Variants in CSMD3 observed in about 807,000 individuals in gnomAD.
CSMD3 encodes CUB and Sushi multiple domains 3.
A neutral mutation model predicts 435.2 loss-of-function variants in CSMD3; 177 were observed. The ratio of observed to expected loss-of-function variants is 0.41; its 90% CI spans 0.36 to 0.46. The LOEUF is 0.46. Ranked by LOEUF, CSMD3 falls within the 20% of genes least tolerant of loss-of-function variation. The pLI is 0.34. For missense variants in CSMD3, 4,265 were observed against 4,504.6 expected, an observed-to-expected ratio of 0.95 and a Z score of 1.52; for synonymous variants, 1,656 against 1,520.5, an observed-to-expected ratio of 1.09 and a Z score of -2.07.
At position 112,823,111 on chromosome 8, in the gene CSMD3, T is replaced by C. The variant is rs569942949; in HGVS notation, c.1859+6575A>G. 1.2e-3 allele frequency among the ~76,000 whole-genome samples: 181 copies of C among 152,312 alleles called. 3 individuals are homozygous for C. Among genetic ancestry groups the C allele is most frequent in the South Asian group, 0.01 (49 of 4,826 alleles). On this transcript the variant is annotated intron_variant, in intron 12 of 70. Transcript: ENST00000297405. ...TGAAGTTTTCTTTTGTTGTTGTGTC[T>C]TTGCCAGGTTTTGGTATCAGGATGA... is the stretch of plus-strand genomic sequence containing the variant.
At chr8:112,454,424 AC>A (rs893779074) in intron 32 of CSMD3, among the ~76,000 whole-genome samples, 3 of 152,166 alleles carry the variant, frequency 2.0e-5, no homozygotes, top group Admixed American at 2.0e-4. Flanking sequence ...CAAATAAATA[AC>A]CAATAACTCC....
At chr8:112,646,869 CAT>C (rs1428431106) in intron 19 of CSMD3, among the ~76,000 whole-genome samples, 2 of 151,914 alleles carry the variant, frequency 1.3e-5, no homozygotes, top group East Asian at 3.9e-4. Flanking sequence ...AACATGAAGA[CAT>C]AAATTTTATT....
chr8:113,037,153 TTCC>T, intron 5 of CSMD3, among the ~76,000 whole-genome samples: 1 of 152,146 alleles, frequency 6.6e-6, no homozygotes, highest in African/African-American at 2.4e-5. Context: ...ATGATTTGTA[TTCC>T]AGTTATTCTA....
intron 5 of CSMD3, among the ~76,000 whole-genome samples, chr8:113,047,318 C>A (rs748745174): frequency 6.6e-6 from 1 of 152,150 alleles, no homozygotes; most frequent in Non-Finnish European, 1.5e-5. Flanking sequence ...ACTGATGCAA[C>A]CTCAAAATAT....
intron 13 of CSMD3, among the ~76,000 whole-genome samples, chr8:112,712,750 A>T (rs1359251941): frequency 1.3e-5 from 2 of 151,920 alleles, no homozygotes; most frequent in Non-Finnish European, 2.9e-5. Flanking sequence ...ACAGGTAAGA[A>T]TTACCACAAT....
At chr8:113,389,308 A>T (rs2094452021) in intron 1 of CSMD3, among the ~76,000 whole-genome samples, 1 of 151,642 alleles carries the variant, frequency 6.6e-6, no homozygotes, top group Non-Finnish European at 1.5e-5. Context: ...TAAAATTACA[A>T]TCCAATCTCT....
At chr8:113,131,617 A>T (rs1448153859) in intron 4 of CSMD3, among the ~76,000 whole-genome samples, 1 of 152,100 alleles carries the variant, frequency 6.6e-6, no homozygotes, top group Non-Finnish European at 1.5e-5. Flanking sequence ...GACCTCATGG[A>T]GAACCTCCGC....
intron 38 of CSMD3, among the ~76,000 whole-genome samples, chr8:112,375,382 T>A (rs1282767412): frequency 2.0e-5 from 3 of 152,166 alleles, no homozygotes; most frequent in Non-Finnish European, 4.4e-5. Context: ...TGATTTTAAA[T>A]GCTTAAATTA....
At chr8:112,296,868 G>A (rs2130724036) in intron 53 of CSMD3, among the ~76,000 whole-genome samples, 1 of 151,772 alleles carries the variant, frequency 6.6e-6, no homozygotes, top group East Asian at 1.9e-4. Context: ...CCAAAAAGGA[G>A]AGAATAAAAT....
In CSMD3 at chr8:112,360,058, C is replaced by T. The variant is rs554195065; in HGVS notation, c.6137-7524G>A. On this transcript the variant is annotated intron_variant, in intron 38 of 70. Transcript: ENST00000297405. ...TCATAGAGTCTTCATCAGAAACTACCGAATACAAAAATAGTGAACTATGAT... is the reference window on the plus strand; with the variant it reads ...TCATAGAGTCTTCATCAGAAACTACTGAATACAAAAATAGTGAACTATGAT... Among the ~76,000 whole-genome samples, 77 of 152,074 alleles carry T rather than the reference C, an allele frequency of 5.1e-4. 1 individual carries two copies. Among genetic ancestry groups the T allele is most frequent in the African/African-American group, 1.8e-3 (74 of 41,528 alleles).
intron 13 of CSMD3, among the ~76,000 whole-genome samples, chr8:112,783,445 G>GGAAC (rs2078449730): frequency 1.1e-5 from 1 of 91,574 alleles, no homozygotes; most frequent in Admixed American, 1.3e-4. Flanking sequence ...AAGGAAGGAA[G>GGAAC]GAAGGAAGGA....
intron 1 of CSMD3, among the ~76,000 whole-genome samples, chr8:113,366,535 C>T (rs1441441223): frequency 6.6e-6 from 1 of 152,078 alleles, no homozygotes; most frequent in Admixed American, 6.6e-5. Flanking sequence ...GGCCCTCCAT[C>T]TTCCAACACC....
chr8:112,394,855 C>G (rs1048749209), intron 35 of CSMD3, among the ~76,000 whole-genome samples: 2 of 152,182 alleles, frequency 1.3e-5, no homozygotes, highest in African/African-American at 4.8e-5. Flanking sequence ...TTATTCAAAA[C>G]TATGTCACCA....
At chr8:112,646,554 T>A (rs754936014) in intron 19 of CSMD3, among the ~76,000 whole-genome samples, 1 of 152,150 alleles carries the variant, frequency 6.6e-6, no homozygotes, top group Non-Finnish European at 1.5e-5. Flanking sequence ...TATACATATG[T>A]AGAAGGGGAA....
At chr8:112,325,050 T>C (rs1262875538) in intron 45 of CSMD3, among the ~76,000 whole-genome samples, 1 of 152,114 alleles carries the variant, frequency 6.6e-6, no homozygotes, top group Non-Finnish European at 1.5e-5. Context: ...TTTTTAGCTA[T>C]AAATAATCAA....
At position 112,489,550 on chromosome 8, in the gene CSMD3, T is replaced by C. The variant is rs147247185; in HGVS notation, c.5278+2939A>G. 8.0e-3 allele frequency among the ~76,000 whole-genome samples: 1,214 copies of C among 152,334 alleles called. 23 individuals carry two copies. The highest frequency in any genetic ancestry group is 0.027 in the African/African-American group (1,124 of 41,580). ...ACAAAAATATATCAAATTCTCCTTA[T>C]TGTGTGACAGTGACAGCCACAGACC... On this transcript the variant is annotated intron_variant, in intron 31 of 70. Transcript: ENST00000297405.
At chr8:112,784,918 C>G (rs755581510) in intron 13 of CSMD3, among the ~76,000 whole-genome samples, 1 of 151,852 alleles carries the variant, frequency 6.6e-6, no homozygotes, top group Non-Finnish European at 1.5e-5. Context: ...TCTACAAGGA[C>G]AATAGTATCC....
intron 57 of CSMD3, among the ~76,000 whole-genome samples, chr8:112,288,576 T>A (rs1212416733): frequency 2.0e-5 from 3 of 151,494 alleles, no homozygotes; most frequent in African/African-American, 7.3e-5. Context: ...GATAAAGTAG[T>A]GTAAAGACAA....
At chr8:113,164,338 T>G (rs985182791) in intron 4 of CSMD3, among the ~76,000 whole-genome samples, 1 of 151,692 alleles carries the variant, frequency 6.6e-6, no homozygotes, top group African/African-American at 2.4e-5. Flanking sequence ...CCTTAATAAT[T>G]TAGCTTTGAA....
Sources: gnomAD v4.1 joint callset for allele counts (sites outside exome capture counted in the v4.1 genomes callset) on GRCh38, gnomAD v4.1.1 for gene constraint, MANE v1.5 for transcripts, NCBI Gene and HGNC (gene_info 2026-07-23, HGNC 2026-07-21) for gene names.